Variants in SH3BP5 observed in about 807,000 individuals in gnomAD.
SH3BP5 encodes SH3 domain-binding protein 5.
A neutral mutation model predicts 43.3 loss-of-function variants in SH3BP5; 22 were observed. The ratio of observed to expected loss-of-function variants is 0.51; its 90% CI spans 0.36 to 0.73. SH3BP5 has a LOEUF of 0.73. SH3BP5 is among the 30% of genes least tolerant of loss of function. The pLI is 0.00. For synonymous variants in SH3BP5, 255 were observed against 225.8 expected (o/e 1.13, Z -1.16); for missense variants, 529 against 586.9 (o/e 0.90, Z 1.02).
chr3:15,330,203 TC>T (rs1698574211), intron 2 of SH3BP5, among the ~76,000 whole-genome samples: 1 of 152,252 alleles, frequency 6.6e-6, no homozygotes, highest in South Asian at 2.1e-4. Context: ...CGGCTAATTT[TC>T]CCCTGTCCTT....
intron 3 of SH3BP5, among the ~76,000 whole-genome samples, chr3:15,301,614 C>T (rs993377533): frequency 6.6e-6 from 1 of 151,968 alleles, no homozygotes; most frequent in African/African-American, 2.4e-5. Flanking sequence ...CTGAGAAGGC[C>T]TCATGGATAA....
At chr3:15,324,944 T>C (rs1698424354) in intron 2 of SH3BP5, among the ~76,000 whole-genome samples, 1 of 151,912 alleles carries the variant, frequency 6.6e-6, no homozygotes, top group Non-Finnish European at 1.5e-5. Flanking sequence ...GGCTTAAGCA[T>C]GTTTGAGGAA....
chr3:15,277,330 T>A (rs1473557810), intron 3 of SH3BP5, among the ~76,000 whole-genome samples: 3 of 152,088 alleles, frequency 2.0e-5, no homozygotes, highest in Non-Finnish European at 4.4e-5. Flanking sequence ...GACAAAGAAG[T>A]ACCAGTCAAG....
At chr3:15,332,018 A>G (rs1231305384) in intron 1 of SH3BP5, 1 of 533,392 alleles carries the variant, frequency 1.9e-6, no homozygotes, top group Non-Finnish European at 3.3e-6. Flanking sequence ...GGCACGCTGC[A>G]CCGACCCCGA....
chr3:15,292,820 C>T (rs1697450926), intron 3 of SH3BP5, among the ~76,000 whole-genome samples: 1 of 152,190 alleles, frequency 6.6e-6, no homozygotes, highest in African/African-American at 2.4e-5. Flanking sequence ...TGCACCCCAG[C>T]CTGGGCAACA....
chr3:15,287,721 G>A (rs960322348), intron 3 of SH3BP5, among the ~76,000 whole-genome samples: 4 of 152,296 alleles, frequency 2.6e-5, no homozygotes, highest in Non-Finnish European at 4.4e-5. Context: ...ACTGGATTAC[G>A]CAATGATGCA....
At chr3:15,262,380 G>A in intron 4 of SH3BP5, 91 bp from the exon 5 acceptor site, 1 of 1,448,552 alleles carries the variant, frequency 6.9e-7, no homozygotes, top group South Asian at 1.3e-5. Flanking sequence ...AATATTCTTT[G>A]CCCGGGCATG....
intron 2 of SH3BP5, among the ~76,000 whole-genome samples, chr3:15,316,683 T>C (rs574960590): frequency 5.3e-5 from 8 of 152,120 alleles, no homozygotes; most frequent in South Asian, 4.2e-4. Context: ...CATCCTCGAA[T>C]TTTTTTATGA....
intron 8 of SH3BP5, 170 bp downstream of exon 8, chr3:15,256,683 C>A (rs1473226386): frequency 1.5e-5 from 12 of 774,332 alleles, no homozygotes; most frequent in Non-Finnish European, 2.2e-5. Context: ...GGAGCCCCCC[C>A]AGAACAGCAC....
At chr3:15,309,644 TAA>T (rs1173240877) in intron 2 of SH3BP5, among the ~76,000 whole-genome samples, 1 of 152,206 alleles carries the variant, frequency 6.6e-6, no homozygotes, top group African/African-American at 2.4e-5. Flanking sequence ...CAGAGTATGT[TAA>T]AAGACTCCTC....
At chr3:15,331,253 C>T (rs528598083) in intron 1 of SH3BP5, among the ~76,000 whole-genome samples, 1 of 152,298 alleles carries the variant, frequency 6.6e-6, no homozygotes, top group East Asian at 1.9e-4. Flanking sequence ...TAATTAATAG[C>T]ATTCCTAATG....
At chr3:15,310,781 C>T (rs1226979243) in intron 2 of SH3BP5, among the ~76,000 whole-genome samples, 1 of 152,174 alleles carries the variant, frequency 6.6e-6, no homozygotes, top group African/African-American at 2.4e-5. Context: ...CATTAGGTGA[C>T]TCAGACTGAA....
intron 4 of SH3BP5, among the ~76,000 whole-genome samples, chr3:15,265,560 A>ACACACACACACACACACACC (rs71045145): frequency 7.6e-6 from 1 of 131,698 alleles, no homozygotes; most frequent in Non-Finnish European, 1.7e-5. Flanking sequence ...ACACACACAC[A>ACACACACACACACACACACC]ACCCTCCAGC....
chr3:15,304,279 A>T (rs774586656), intron 2 of SH3BP5, 48 bp from the exon 3 acceptor site: 5 of 1,613,502 alleles, frequency 3.1e-6, no homozygotes, highest in East Asian at 2.2e-5. Context: ...TTAAGAAGGG[A>T]TCTGCAAACA....
intron 3 of SH3BP5, among the ~76,000 whole-genome samples, chr3:15,301,690 G>A (rs1010082165): frequency 2.6e-5 from 4 of 151,992 alleles, no homozygotes; most frequent in Non-Finnish European, 5.9e-5. Context: ...CCAGGACATC[G>A]CCAAACAGAG....
chr3:15,269,967 G>A, intron 3 of SH3BP5, 90 bp from the exon 4 acceptor site: 1 of 1,178,802 alleles, frequency 8.5e-7, no homozygotes, highest in Non-Finnish European at 1.2e-6. Flanking sequence ...GCATCCCAAG[G>A]ACCAGGACAA....
chr3:15,294,330 T>TGTGC (rs565464561), intron 3 of SH3BP5, among the ~76,000 whole-genome samples: 4,250 of 121,378 alleles, frequency 0.035, 79 homozygotes, highest in South Asian at 0.046. Flanking sequence ...TGTGTGTGTG[T>TGTGC]GCGCGCGCAT....
rs1698641450 is a variant in SH3BP5, at chr3:15,332,525, G to C, written c.-117C>G. Reference sequence around the variant, plus strand: ...GCCGGGCACGGTCGGGGAGCCGCCGGGGCCGACACCCGGGAGACGCAGCTC... The same window carrying C: ...GCCGGGCACGGTCGGGGAGCCGCCGCGGCCGACACCCGGGAGACGCAGCTC... On this transcript the variant is annotated 5_prime_UTR_variant, in exon 1 of 9. Coordinates refer to ENST00000383791, the MANE Select transcript of SH3BP5 (RefSeq NM_004844.5). 8.0e-7 allele frequency: 1 copy of C among 1,252,070 alleles called. No homozygotes were observed. The highest frequency in any genetic ancestry group is 1.0e-6 in the Non-Finnish European group (1 of 1,001,642). The allele number at this position is 1,252,070 out of a possible 1,614,324, so 77.6% of individuals were successfully genotyped here. A position where few individuals can be genotyped will look rare whatever the true frequency, so the allele number is the denominator to read the frequency against.
rs140638608 is a variant in SH3BP5 at position 15,324,632 on chromosome 3, G to C, written c.201+5872C>G. On this transcript the variant is annotated intron_variant, in intron 2 of 8. Transcript: ENST00000383791. Reference sequence around the variant, plus strand: ...TCAAACATTCCCTAGCAGTTTCTTCGAAGCACAACTGAGTCTTACAGGACC... The same window carrying C: ...TCAAACATTCCCTAGCAGTTTCTTCCAAGCACAACTGAGTCTTACAGGACC... Among the ~76,000 whole-genome samples the C allele has an allele frequency of 1.5e-3, 232 of 152,190 alleles. 1 individual carries two copies. The highest frequency in any genetic ancestry group is 5.0e-3 in the African/African-American group (206 of 41,522).
Sources: gnomAD v4.1 joint callset for allele counts (sites outside exome capture counted in the v4.1 genomes callset) on GRCh38, gnomAD v4.1.1 for gene constraint, MANE v1.5 for transcripts, NCBI Gene and HGNC (gene_info 2026-07-23, HGNC 2026-07-21) for gene names.